UBXN7: variants seen among roughly 807,000 people sequenced by gnomAD.
UBXN7 encodes the protein UBX domain-containing protein 7.
In UBXN7, 9 loss-of-function variants were observed where a neutral mutation model predicts 58.0. That is an observed-to-expected ratio of 0.16 (90% CI 0.09 to 0.27). The LOEUF is 0.27. Ranked by LOEUF, UBXN7 falls within the 10% of genes least tolerant of loss-of-function variation. The pLI, the probability that UBXN7 is intolerant of heterozygous loss-of-function variation, is 1.00. For synonymous variants in UBXN7, 208 were observed against 205.0 expected (o/e 1.01, Z -0.12); for missense variants, 328 against 599.6 (o/e 0.55, Z 4.73).
At chr3:196,358,744 A>C (rs1196677091) in intron 10 of UBXN7, among the ~76,000 whole-genome samples, 1 of 152,100 alleles carries the variant, frequency 6.6e-6, no homozygotes, top group Non-Finnish European at 1.5e-5. Flanking sequence ...GTCTCAAAAC[A>C]ACCAACCAAC....
In UBXN7 at chr3:196,371,765, G is replaced by C; in HGVS notation, c.615+131C>G. The C allele has an allele frequency of 6.8e-6, 8 of 1,167,966 alleles. No homozygotes were observed. In the South Asian group the frequency reaches 1.3e-4, roughly 19 times the overall value. The allele number at this position is 1,167,966 out of a possible 1,614,324, so 72.4% of individuals were successfully genotyped here. A position where few individuals can be genotyped will look rare whatever the true frequency, so the allele number is the denominator to read the frequency against. The stretch of plus-strand genomic sequence containing the variant: ...CCCAAAGTGCTGGGATTATAGGCGT[G>C]AGCTACTGCCCCCAGCCGGCTTTAC... On this transcript the variant is annotated intron_variant, in intron 6 of 10. Coordinates refer to ENST00000296328, the MANE Select transcript of UBXN7 (RefSeq NM_015562.2).
At chr3:196,392,022 AT>A (rs1056145935) in intron 4 of UBXN7, 97 bp from the exon 5 acceptor site, 23 of 708,018 alleles carry the variant, frequency 3.2e-5, no homozygotes, top group Admixed American at 1.7e-4. Context: ...AATTGAAGGA[AT>A]TGCTGTCAAT....
At chr3:196,429,582 T>C (rs1020512939) in intron 1 of UBXN7, among the ~76,000 whole-genome samples, 8 of 152,158 alleles carry the variant, frequency 5.3e-5, no homozygotes, top group Non-Finnish European at 1.5e-5. Context: ...GTAAAACCTT[T>C]GTGAAATCAG....
intron 3 of UBXN7, among the ~76,000 whole-genome samples, chr3:196,397,124 A>G (rs1397088546): frequency 1.3e-5 from 2 of 152,120 alleles, no homozygotes; most frequent in African/African-American, 4.8e-5. Flanking sequence ...TGCCTTTTCA[A>G]TGTGGTCTCC....
At chr3:196,357,938 T>G (rs1188351086) in intron 10 of UBXN7, among the ~76,000 whole-genome samples, 3 of 150,178 alleles carry the variant, frequency 2.0e-5, no homozygotes, top group South Asian at 2.1e-4. Flanking sequence ...AAGGTCAAGG[T>G]GGGAGGAGAA....
rs573788262 is a variant in UBXN7, at chr3:196,371,729, G to A, written c.615+167C>T. ...AACTCCTGACCTCAGGTGATCCGCC[G>A]GCCTCAGCCTCCCAAAGTGCTGGGA... On this transcript the variant is annotated intron_variant, in intron 6 of 10. Transcript: ENST00000296328. 5.3e-5 allele frequency among the ~76,000 whole-genome samples: 8 copies of A among 151,924 alleles called. No individual in the cohort carries two copies. The East Asian group carries it at 5.8e-4, about 11-fold the overall frequency.
intron 8 of UBXN7, among the ~76,000 whole-genome samples, chr3:196,364,124 TATG>T (rs1015676850): frequency 2.6e-5 from 4 of 152,204 alleles, no homozygotes; most frequent in Admixed American, 1.3e-4. Flanking sequence ...AGGTTTTCAT[TATG>T]ATAACAAGAA....
At chr3:196,425,514 C>A (rs1484093470) in intron 1 of UBXN7, among the ~76,000 whole-genome samples, 1 of 152,128 alleles carries the variant, frequency 6.6e-6, no homozygotes, top group Non-Finnish European at 1.5e-5. Context: ...ACCTCAGCCT[C>A]CCAAAGTGCG....
At chr3:196,431,758 A>G (rs1248334876) in intron 1 of UBXN7, 4 of 448,198 alleles carry the variant, frequency 8.9e-6, no homozygotes, top group Non-Finnish European at 1.3e-5. Context: ...GTCCCCCGTG[A>G]AGTGTAAAGG....
intron 1 of UBXN7, among the ~76,000 whole-genome samples, chr3:196,420,518 G>A (rs1481724924): frequency 1.4e-5 from 2 of 147,302 alleles, no homozygotes; most frequent in Non-Finnish European, 3.0e-5. Context: ...GTGACAGAGC[G>A]AGACTCCATC....
rs112279052 is a variant in UBXN7, at chr3:196,419,457, C to T, written c.74-12064G>A. ...ATGCTAAATCTTGGTTAAGTCTGAACAAAGCCAGTGCTAGAAAGAAGCCCA... is the reference window on the plus strand; with the variant it reads ...ATGCTAAATCTTGGTTAAGTCTGAATAAAGCCAGTGCTAGAAAGAAGCCCA... On this transcript the variant is annotated intron_variant, in intron 1 of 10. Transcript: ENST00000296328. Among the ~76,000 whole-genome samples the T allele has an allele frequency of 6.2e-3, 939 of 152,206 alleles. 5 individuals are homozygous for T. Among genetic ancestry groups the T allele is most frequent in the Non-Finnish European group, 0.01 (695 of 68,006 alleles).
At chr3:196,421,271 C>T (rs1468275842) in intron 1 of UBXN7, among the ~76,000 whole-genome samples, 1 of 152,132 alleles carries the variant, frequency 6.6e-6, no homozygotes, top group Non-Finnish European at 1.5e-5. Context: ...CGCCCAGGAG[C>T]CAAGATGCCA....
rs1729760374 is a variant in UBXN7, at chr3:196,396,070, T to TGCGCC, written c.290-2452_290-2451insGGCGC. ...AGTGAGCTACTGAGCCTGGCCTGAA[T>TGCGCC]TTTATTTTTAATTTAAATATTGCAC... On this transcript the variant is annotated intron_variant, in intron 3 of 10. Coordinates refer to ENST00000296328, the MANE Select transcript of UBXN7 (RefSeq NM_015562.2). Among the ~76,000 whole-genome samples the TGCGCC allele has an allele frequency of 4.9e-4, 74 of 152,122 alleles. 1 individual carries two copies. Among genetic ancestry groups the TGCGCC allele is most frequent in the African/African-American group, 1.3e-3 (55 of 41,460 alleles).
chr3:196,411,741 C>T (rs1027005717), intron 1 of UBXN7, among the ~76,000 whole-genome samples: 1 of 151,932 alleles, frequency 6.6e-6, no homozygotes, highest in Non-Finnish European at 1.5e-5. Context: ...ACCTGGGAGG[C>T]GGAGGTTGCA....
intron 5 of UBXN7, among the ~76,000 whole-genome samples, chr3:196,373,548 C>CTTAAGAA (rs1253970908): frequency 1.3e-5 from 2 of 152,074 alleles, no homozygotes; most frequent in African/African-American, 4.8e-5. Flanking sequence ...ATGGGAAAAT[C>CTTAAGAA]TTAAGAATCA....
At chr3:196,369,574 C>A in intron 6 of UBXN7, 63 bp from the exon 7 acceptor site, 1 of 1,196,344 alleles carries the variant, frequency 8.4e-7, no homozygotes, top group Non-Finnish European at 1.2e-6. Context: ...CTATAACCTT[C>A]TTATACACCA....
chr3:196,413,214 C>G (rs546379955), intron 1 of UBXN7, among the ~76,000 whole-genome samples: 2 of 151,868 alleles, frequency 1.3e-5, no homozygotes, highest in Non-Finnish European at 2.9e-5. Flanking sequence ...GGTGGGCACC[C>G]GTAATCCCAG....
chr3:196,379,735 G>T (rs916248305), intron 5 of UBXN7, among the ~76,000 whole-genome samples: 1 of 152,118 alleles, frequency 6.6e-6, no homozygotes, highest in African/African-American at 2.4e-5. Flanking sequence ...CTTTGGGTTG[G>T]GGGTATCTTC....
At chr3:196,384,805 A>T (rs2108841198) in intron 5 of UBXN7, among the ~76,000 whole-genome samples, 1 of 152,312 alleles carries the variant, frequency 6.6e-6, no homozygotes, top group East Asian at 1.9e-4. Context: ...GTATCTCAAA[A>T]TAATAAGAGA....
Sources: gnomAD v4.1 joint callset for allele counts (sites outside exome capture counted in the v4.1 genomes callset) on GRCh38, gnomAD v4.1.1 for gene constraint, MANE v1.5 for transcripts, NCBI Gene and HGNC (gene_info 2026-07-23, HGNC 2026-07-21) for gene names.